The following ATP2B2 variants were observed in gnomAD, a reference collection of about 807,000 sequenced individuals.
The protein encoded by ATP2B2 is plasma membrane calcium-transporting ATPase 2.
A neutral mutation model predicts 120.0 loss-of-function variants in ATP2B2; 15 were observed. That is an observed-to-expected ratio of 0.12 (90% CI 0.08 to 0.19). ATP2B2 has a LOEUF of 0.19. Ranked by LOEUF, ATP2B2 falls within the 10% of genes least tolerant of loss-of-function variation. The pLI is 1.00. For synonymous variants in ATP2B2, 694 were observed against 700.3 expected, an observed-to-expected ratio of 0.99 and a Z score of 0.14; for missense variants, 1,045 against 1,719.8, an observed-to-expected ratio of 0.61 and a Z score of 6.94.
At chr3:10,339,480 C>T (rs1353789328) in intron 21 of ATP2B2, among the ~76,000 whole-genome samples, 6 of 152,234 alleles carry the variant, frequency 3.9e-5, no homozygotes, top group Non-Finnish European at 7.3e-5. Context: ...GCCCTCCTCC[C>T]AAGCCCTGTG....
At chr3:10,659,872 TAAC>T (rs1480344497) in intron 1 of ATP2B2, among the ~76,000 whole-genome samples, 1 of 138,204 alleles carries the variant, frequency 7.2e-6, no homozygotes, top group Non-Finnish European at 1.5e-5. Flanking sequence ...AAATGTAAAA[TAAC>T]AGAAATTATA....
chr3:10,563,092 T>A (rs1056974523), intron 2 of ATP2B2, among the ~76,000 whole-genome samples: 2 of 152,268 alleles, frequency 1.3e-5, no homozygotes, highest in African/African-American at 4.8e-5. Context: ...TTTCCTTTTT[T>A]AAAAATTGAT....
At chr3:10,574,396 G>A (rs1284477793) in intron 2 of ATP2B2, among the ~76,000 whole-genome samples, 2 of 152,176 alleles carry the variant, frequency 1.3e-5, no homozygotes, top group African/African-American at 4.8e-5. Flanking sequence ...ACTTTCCCTA[G>A]AGCAGAATCA....
intron 3 of ATP2B2, 74 bp downstream of exon 3, chr3:10,410,544 G>C: frequency 1.4e-6 from 2 of 1,480,826 alleles, no homozygotes; most frequent in Admixed American, 2.1e-5. Context: ...ATTTGTGTGA[G>C]CCGTGAGTGC....
chr3:10,378,119 G>T, intron 10 of ATP2B2, 133 bp downstream of exon 10: 1 of 1,250,580 alleles, frequency 8.0e-7, no homozygotes, highest in Non-Finnish European at 1.1e-6. Context: ...CTGTGGTAGA[G>T]AAAGGTGGGC....
chr3:10,418,870 G>A (rs1209327895), intron 2 of ATP2B2, among the ~76,000 whole-genome samples: 1 of 152,238 alleles, frequency 6.6e-6, no homozygotes, highest in Non-Finnish European at 1.5e-5. Flanking sequence ...CAGTGAGGGG[G>A]TGGAATTCAG....
rs775833154 is a variant in ATP2B2, at chr3:10,328,369, T to C, written c.*445A>G. 3.4e-5 allele frequency: 6 copies of C among 175,944 alleles called. No individual in the cohort carries two copies. The highest frequency in any genetic ancestry group is 3.3e-4 in the Admixed American group (6 of 18,312). The allele number at this position is 175,944 out of a possible 1,614,324, so 10.9% of individuals were successfully genotyped here. The stretch of plus-strand genomic sequence containing the variant: ...CTCACAGACCAGTGGATTGGATAAA[T>C]AGTCTCAGAAAAGAGTCTGTTTGCA... On this transcript the variant is annotated 3_prime_UTR_variant, in exon 23 of 23. Coordinates refer to ENST00000360273, the MANE Select transcript of ATP2B2 (RefSeq NM_001001331.4).
rs1395712240 is a variant in ATP2B2, at chr3:10,326,184, C to A, written c.*2630G>T. 6.5e-6 allele frequency: 1 copy of A among 152,676 alleles called. No individual in the cohort carries two copies. The highest frequency in any genetic ancestry group is 1.5e-5 in the Non-Finnish European group (1 of 68,122). The allele number at this position is 152,676 out of a possible 1,614,324, so 9.5% of individuals were successfully genotyped here. A position where few individuals can be genotyped will look rare whatever the true frequency, so the allele number is the denominator to read the frequency against. ...CTAATGGAGTGAACTGCCAAACGTACCCCATGCTGCTAGATATAGGACGCA... is the reference window on the plus strand; with the variant it reads ...CTAATGGAGTGAACTGCCAAACGTAACCCATGCTGCTAGATATAGGACGCA... On this transcript the variant is annotated 3_prime_UTR_variant, in exon 23 of 23. Transcript: ENST00000360273.
intron 2 of ATP2B2, among the ~76,000 whole-genome samples, chr3:10,441,739 A>G (rs2063673865): frequency 6.6e-6 from 1 of 152,210 alleles, no homozygotes; most frequent in Non-Finnish European, 1.5e-5. Context: ...TGCATAACAT[A>G]TATTTGTCCA....
At chr3:10,355,380 A>G (rs2060685995) in intron 14 of ATP2B2, among the ~76,000 whole-genome samples, 1 of 152,094 alleles carries the variant, frequency 6.6e-6, no homozygotes, top group South Asian at 2.1e-4. Flanking sequence ...ACTCCTATAT[A>G]GACATCCCAG....
chr3:10,501,885 G>A (rs902256496), intron 1 of ATP2B2, among the ~76,000 whole-genome samples: 3 of 152,226 alleles, frequency 2.0e-5, no homozygotes, highest in Non-Finnish European at 2.9e-5. Flanking sequence ...CCAGGGTGCG[G>A]AGTGAAATGG....
chr3:10,538,719 C>T (rs185006439), intron 2 of ATP2B2, among the ~76,000 whole-genome samples: 96 of 152,260 alleles, frequency 6.3e-4, no homozygotes, highest in African/African-American at 2.0e-3. Flanking sequence ...ATTGATGGGA[C>T]GTATCTCAAC....
chr3:10,559,648 C>T (rs532323793), intron 2 of ATP2B2, among the ~76,000 whole-genome samples: 2 of 152,284 alleles, frequency 1.3e-5, no homozygotes, highest in African/African-American at 4.8e-5. Context: ...TGGAGTTTGC[C>T]TCCAAGCCCC....
intron 3 of ATP2B2, among the ~76,000 whole-genome samples, chr3:10,522,126 T>G (rs1418281361): frequency 6.6e-6 from 1 of 152,194 alleles, no homozygotes; most frequent in Non-Finnish European, 1.5e-5. Flanking sequence ...TTTTTAAAAA[T>G]GTATGCTGTG....
intron 7 of ATP2B2, among the ~76,000 whole-genome samples, chr3:10,385,586 A>G (rs2061653819): frequency 6.6e-6 from 1 of 152,148 alleles, no homozygotes; most frequent in African/African-American, 2.4e-5. Context: ...GTTAGCTGGG[A>G]TGGTGCTGGT....
chr3:10,603,375 T>C (rs2068976768), intron 2 of ATP2B2, among the ~76,000 whole-genome samples: 1 of 152,230 alleles, frequency 6.6e-6, no homozygotes, highest in South Asian at 2.1e-4. Flanking sequence ...CTTGGTATGT[T>C]CAGTGACATT....
intron 1 of ATP2B2, among the ~76,000 whole-genome samples, chr3:10,476,866 A>G (rs1019102504): frequency 1.3e-5 from 2 of 152,214 alleles, no homozygotes; most frequent in East Asian, 1.9e-4. Context: ...GTGAGGAAGC[A>G]GATGGAGGGT....
chr3:10,412,529 C>A (rs1273636641), intron 2 of ATP2B2, among the ~76,000 whole-genome samples: 1 of 152,162 alleles, frequency 6.6e-6, no homozygotes, highest in Non-Finnish European at 1.5e-5. Context: ...TTCAGCAAAC[C>A]GGGAACAGCC....
chr3:10,599,571 C>T (rs1014023302), intron 2 of ATP2B2, among the ~76,000 whole-genome samples: 2 of 152,110 alleles, frequency 1.3e-5, no homozygotes, highest in South Asian at 2.1e-4. Flanking sequence ...GGCCCGCCAC[C>T]GAATCTGACA....
Sources: gnomAD v4.1 joint callset for allele counts (sites outside exome capture counted in the v4.1 genomes callset) on GRCh38, gnomAD v4.1.1 for gene constraint, MANE v1.5 for transcripts, NCBI Gene and HGNC (gene_info 2026-07-23, HGNC 2026-07-21) for gene names.